The following EXOC4 variants were observed in gnomAD, a reference collection of about 807,000 sequenced individuals.
EXOC4 encodes the protein SEC8-like 1.
In EXOC4, 71 loss-of-function variants were observed where a neutral mutation model predicts 107.2. That is an observed-to-expected ratio of 0.66 (90% CI 0.55 to 0.81). The LOEUF is 0.81. Ranked by LOEUF, EXOC4 falls within the 30% of genes least tolerant of loss-of-function variation. EXOC4 has a pLI of 0.00. For missense variants in EXOC4, 1,108 were observed against 1,189.6 expected (o/e 0.93, Z 1.01); for synonymous variants, 456 against 441.2 (o/e 1.03, Z -0.42).
chr7:134,082,315 G>A, the EXOC4 span, among the ~76,000 whole-genome samples: 1 of 152,190 alleles, frequency 6.6e-6, no homozygotes, highest in African/African-American at 2.4e-5. Flanking sequence ...CCTGGTGTTG[G>A]CATGGCATTT....
chr7:133,955,259 G>A (rs757611294), intron 14 of EXOC4, among the ~76,000 whole-genome samples: 1 of 152,230 alleles, frequency 6.6e-6, no homozygotes, highest in Non-Finnish European at 1.5e-5. Context: ...AAACAGCTCA[G>A]TGGAGACCTG....
chr7:133,325,298 C>T (rs1317155086), intron 5 of EXOC4, among the ~76,000 whole-genome samples: 1 of 152,172 alleles, frequency 6.6e-6, no homozygotes, highest in African/African-American at 2.4e-5. Context: ...GCAGTTGCTT[C>T]CTAGCATTGA....
At chr7:133,865,384 G>A (rs1798615453) in intron 11 of EXOC4, among the ~76,000 whole-genome samples, 1 of 152,164 alleles carries the variant, frequency 6.6e-6, no homozygotes, top group Admixed American at 6.5e-5. Flanking sequence ...TATGCCAACA[G>A]TTCTTTTAAA....
intron 2 of EXOC4, among the ~76,000 whole-genome samples, chr7:133,279,461 C>A (rs578245188): frequency 6.6e-6 from 1 of 152,178 alleles, no homozygotes; most frequent in African/African-American, 2.4e-5. Flanking sequence ...GAGACCAAGG[C>A]AGATGAAGAT....
intron 7 of EXOC4, among the ~76,000 whole-genome samples, chr7:133,411,449 A>C (rs1020595467): frequency 9.2e-5 from 14 of 152,176 alleles, no homozygotes; most frequent in South Asian, 2.1e-4. Context: ...AAACTCAATA[A>C]TTCTTATTAC....
At chr7:133,697,118 TTGTTTGTTTGTTTGTTTTAAAA>T (rs1794552488) in intron 10 of EXOC4, among the ~76,000 whole-genome samples, 1 of 152,106 alleles carries the variant, frequency 6.6e-6, no homozygotes, top group Non-Finnish European at 1.5e-5. Flanking sequence ...TGGGAAGTGT[TTGTTTGTTTGTTTGTTTTAAAA>T]AAGCTCTCAT....
intron 9 of EXOC4, among the ~76,000 whole-genome samples, chr7:133,573,983 A>G (rs1281919509): frequency 3.3e-5 from 5 of 152,092 alleles, no homozygotes; most frequent in Admixed American, 2.6e-4. Context: ...GTTACATGTT[A>G]TTTTTTCCAG....
intron 11 of EXOC4, among the ~76,000 whole-genome samples, chr7:133,853,135 G>A (rs115064959): frequency 6.6e-6 from 1 of 152,208 alleles, no homozygotes; most frequent in Non-Finnish European, 1.5e-5. Flanking sequence ...TTAAGCAATC[G>A]AGGTCGTCTC....
chr7:133,563,561 T>C (rs1437797373), intron 9 of EXOC4, among the ~76,000 whole-genome samples: 2 of 152,222 alleles, frequency 1.3e-5, no homozygotes, highest in Non-Finnish European at 2.9e-5. Context: ...TTAAAGCCTT[T>C]TCCTCCAAGC....
At chr7:133,903,162 G>T (rs962987801) in intron 12 of EXOC4, among the ~76,000 whole-genome samples, 9 of 152,186 alleles carry the variant, frequency 5.9e-5, no homozygotes, top group Non-Finnish European at 7.3e-5. Context: ...AGAGGAGGAA[G>T]GGTATTGAAG....
At chr7:133,820,971 T>G (rs1157086526) in intron 11 of EXOC4, among the ~76,000 whole-genome samples, 1 of 152,138 alleles carries the variant, frequency 6.6e-6, no homozygotes, top group Non-Finnish European at 1.5e-5. Context: ...AGGCACAGGT[T>G]CCATAGGAGG....
At chr7:133,701,955 A>ATTTTTC (rs71162020) in intron 10 of EXOC4, among the ~76,000 whole-genome samples, 129,735 of 134,982 alleles carry the variant, frequency 0.96, 62,538 homozygotes, top group Middle Eastern at 0.99. Flanking sequence ...AATCACTGTC[A>ATTTTTC]TTTTTCTTTT....
At chr7:133,584,520 A>AT (rs1315070239) in intron 9 of EXOC4, among the ~76,000 whole-genome samples, 4 of 69,552 alleles carry the variant, frequency 5.8e-5, no homozygotes, top group African/African-American at 1.7e-4. Context: ...GCCCTTTCTT[A>AT]TTTTTTCCCA....
At chr7:133,806,705 A>G (rs1313517863) in intron 10 of EXOC4, among the ~76,000 whole-genome samples, 1 of 152,162 alleles carries the variant, frequency 6.6e-6, no homozygotes, top group Non-Finnish European at 1.5e-5. Context: ...GGATAGCGTG[A>G]TGAAGTCTGG....
chr7:133,381,691 A>C (rs969276705), intron 7 of EXOC4, among the ~76,000 whole-genome samples: 2 of 152,158 alleles, frequency 1.3e-5, no homozygotes, highest in Admixed American at 6.5e-5. Flanking sequence ...TTACAGTAAT[A>C]GTTTCTGAAC....
At chr7:134,086,056 C>T in the EXOC4 span, among the ~76,000 whole-genome samples, 2 of 152,192 alleles carry the variant, frequency 1.3e-5, no homozygotes, top group African/African-American at 2.4e-5. Flanking sequence ...TTGGCTAAGG[C>T]TAGAGACTTA....
chr7:133,383,770 C>T (rs549325012), intron 7 of EXOC4, among the ~76,000 whole-genome samples: 18 of 152,206 alleles, frequency 1.2e-4, no homozygotes, highest in Non-Finnish European at 1.8e-4. Flanking sequence ...GGCCAGAAAA[C>T]GTATGAGAGT....
At chr7:133,912,571 A>G (rs145613272) in intron 12 of EXOC4, among the ~76,000 whole-genome samples, 4 of 152,332 alleles carry the variant, frequency 2.6e-5, no homozygotes, top group African/African-American at 9.6e-5. Context: ...AACCATTAAG[A>G]TGCTTTTAGT....
chr7:133,749,336 T>C (rs1795741742), intron 10 of EXOC4, among the ~76,000 whole-genome samples: 1 of 152,174 alleles, frequency 6.6e-6, no homozygotes, highest in African/African-American at 2.4e-5. Context: ...TGGTGGCCCA[T>C]ATTTAAAAGC....
Sources: allele counts gnomAD v4.1 joint callset (sites outside exome capture counted in the v4.1 genomes callset), GRCh38; gene constraint gnomAD v4.1.1; transcripts MANE v1.5; gene names NCBI Gene and HGNC (gene_info 2026-07-23, HGNC 2026-07-21).